The following KIAA0232 variants were observed in gnomAD, a reference collection of about 807,000 sequenced individuals.
KIAA0232 encodes the protein KIAA0232, also known as uncharacterized protein KIAA0232.
A neutral mutation model predicts 122.0 loss-of-function variants in KIAA0232; 27 were observed. The ratio of observed to expected loss-of-function variants is 0.22; its 90% CI spans 0.16 to 0.31. The LOEUF (loss-of-function observed/expected upper bound fraction) is 0.31, where lower values mean the gene tolerates loss of function less well. Among genes scored for constraint, KIAA0232 ranks in the 10% least tolerant of loss-of-function variants. The probability of loss-of-function intolerance (pLI) is 1.00; values close to 1 mark genes in which losing one functional copy is unlikely to be tolerated. For synonymous variants in KIAA0232, 613 were observed against 587.6 expected (o/e 1.04, Z -0.63); for missense variants, 1,551 against 1,634.2 (o/e 0.95, Z 0.88).
chr4:6,795,281 C>T (rs1399357107), intron 1 of KIAA0232, among the ~76,000 whole-genome samples: 1 of 152,122 alleles, frequency 6.6e-6, no homozygotes, highest in Admixed American at 6.6e-5. Flanking sequence ...ATCGTGCTAG[C>T]CAGGATGATC....
In KIAA0232 at chr4:6,871,610, A is replaced by C; in HGVS notation, c.3838A>C (p.Arg1280=). Residue 1280 remains arginine, a synonymous_variant, in exon 8 of 10, where the codon AGA becomes CGA. Coordinates refer to ENST00000307659, the MANE Select transcript of KIAA0232 (RefSeq NM_014743.3). ...GAACACTGATATACAAGGAATGAAT[A>C]GAAGTCAAGAAAAACAGACCTGGTG... The part of the protein sequence containing the change: ...VLNTDIQGMN[R]SQEKQTWWEK... 1.2e-6 allele frequency: 2 copies of C among 1,611,722 alleles called. No homozygotes were observed. The highest frequency in any genetic ancestry group is 2.7e-5 in the African/African-American group (2 of 75,006).
Position 6,813,069 on chromosome 4 carries a change from T to C in KIAA0232, c.-270+8463T>C, listed in dbSNP as rs539451971. Among the ~76,000 whole-genome samples the C allele has an allele frequency of 7.9e-4, 120 of 152,330 alleles. 1 individual carries two copies. Among genetic ancestry groups the C allele is most frequent in the African/African-American group, 2.8e-3 (116 of 41,584 alleles). On this transcript the variant is annotated intron_variant, in intron 2 of 9. Transcript: ENST00000307659. ...GTCTCTTATAGCTTATAAGAAATGC[T>C]ATTAGTGCACTCTAAATAATTAGGA...
At chr4:6,786,805 A>G (rs574506673) in intron 1 of KIAA0232, among the ~76,000 whole-genome samples, 2 of 152,332 alleles carry the variant, frequency 1.3e-5, no homozygotes, top group Admixed American at 6.5e-5. Context: ...GGGTCTAATG[A>G]AATAGATGAA....
chr4:6,821,912 T>C (rs73080511), intron 2 of KIAA0232, among the ~76,000 whole-genome samples: 2,318 of 152,202 alleles, frequency 0.015, 54 homozygotes, highest in African/African-American at 0.053. Flanking sequence ...TTAAAGTTTT[T>C]GCTCCATTAT....
chr4:6,823,106 A>G (rs1417813014), intron 2 of KIAA0232, among the ~76,000 whole-genome samples: 1 of 151,564 alleles, frequency 6.6e-6, no homozygotes, highest in African/African-American at 2.4e-5. Flanking sequence ...AAGGACATGA[A>G]CTCATCATTT....
chr4:6,846,070 C>T (rs1719947879), intron 4 of KIAA0232, among the ~76,000 whole-genome samples: 1 of 147,754 alleles, frequency 6.8e-6, no homozygotes, highest in African/African-American at 2.5e-5. Flanking sequence ...CATATTTGTA[C>T]TTGTATTGCT....
At chr4:6,816,463 T>G (rs1035535912) in intron 2 of KIAA0232, among the ~76,000 whole-genome samples, 4 of 152,112 alleles carry the variant, frequency 2.6e-5, no homozygotes, top group African/African-American at 9.7e-5. Flanking sequence ...TTTTGTATTT[T>G]AGTAGAGACA....
At chr4:6,845,556 A>G (rs1436387722) in intron 4 of KIAA0232, among the ~76,000 whole-genome samples, 1 of 152,028 alleles carries the variant, frequency 6.6e-6, no homozygotes, top group Non-Finnish European at 1.5e-5. Context: ...ATTGATAAGT[A>G]ATTTAGAGCT....
intron 1 of KIAA0232, among the ~76,000 whole-genome samples, chr4:6,797,372 C>G (rs1717175069): frequency 1.3e-5 from 2 of 152,152 alleles, no homozygotes; most frequent in South Asian, 4.1e-4. Flanking sequence ...CAAAATGCCT[C>G]CAGGCCTGTT....
At chr4:6,783,256 C>T (rs918395139) in intron 1 of KIAA0232, among the ~76,000 whole-genome samples, 26 of 152,314 alleles carry the variant, frequency 1.7e-4, no homozygotes, top group Non-Finnish European at 2.8e-4. Flanking sequence ...AGCTGTGGGC[C>T]CTGGGACCCC....
At chr4:6,792,704 T>G (rs532606327) in intron 1 of KIAA0232, among the ~76,000 whole-genome samples, 29 of 150,628 alleles carry the variant, frequency 1.9e-4, no homozygotes, top group Admixed American at 1.5e-3. Flanking sequence ...TGTTTTTTTT[T>G]TTTGAGACAG....
intron 2 of KIAA0232, among the ~76,000 whole-genome samples, chr4:6,818,809 T>A (rs1718270144): frequency 6.6e-6 from 1 of 151,884 alleles, no homozygotes; most frequent in Non-Finnish European, 1.5e-5. Context: ...TGGTTTCGTG[T>A]TACCTGACTT....
rs759500175 is a variant in KIAA0232 at position 6,857,278 on chromosome 4, A to T, written c.436+48A>T. 1.3e-4 allele frequency: 191 copies of T among 1,488,378 alleles called. No individual in the cohort carries two copies. The East Asian group carries it at 4.4e-3, about 34-fold the overall frequency. The allele number at this position is 1,488,378 out of a possible 1,614,324, so 92.2% of individuals were successfully genotyped here. On this transcript the variant is annotated intron_variant, in intron 5 of 9. Coordinates refer to ENST00000307659, the MANE Select transcript of KIAA0232 (RefSeq NM_014743.3). ...CACACATGCCAGGATTACATCCCTG[A>T]GGAATCTGGATTGGGGAAAATCTTA... is the stretch of plus-strand genomic sequence containing the variant.
intron 3 of KIAA0232, among the ~76,000 whole-genome samples, chr4:6,834,076 C>T (rs1719137059): frequency 6.6e-6 from 1 of 152,104 alleles, no homozygotes; most frequent in Admixed American, 6.5e-5. Flanking sequence ...CTGTGCCTGA[C>T]TCTCCATTTC....
chr4:6,795,454 T>C (rs1377910309), intron 1 of KIAA0232, among the ~76,000 whole-genome samples: 6 of 152,216 alleles, frequency 3.9e-5, no homozygotes, highest in Non-Finnish European at 2.9e-5. Context: ...CCAAAGACAG[T>C]GTGAAAAATT....
Position 6,862,356 on chromosome 4 carries a change from T to C in KIAA0232, c.1974T>C (p.Ser658=), listed in dbSNP as rs1162321211. The change falls in exon 7 of 10, where the codon TCT becomes TCC. Residue 658 remains serine, a synonymous_variant. Coordinates refer to ENST00000307659, the MANE Select transcript of KIAA0232 (RefSeq NM_014743.3). ...FSVFEVQCSN[S]VLPFSFETLN... ...TGTTTGAAGTGCAATGCAGTAATTC[T>C]GTTTTACCATTTTCTTTTGAAACAC... 2.5e-6 allele frequency: 4 copies of C among 1,614,204 alleles called. No individual in the cohort carries two copies. Among genetic ancestry groups the C allele is most frequent in the Non-Finnish European group, 3.4e-6 (4 of 1,180,038 alleles).
intron 2 of KIAA0232, among the ~76,000 whole-genome samples, chr4:6,823,984 G>A (rs1370190055): frequency 2.0e-5 from 3 of 152,086 alleles, no homozygotes; most frequent in African/African-American, 7.2e-5. Context: ...CAACTTGCTG[G>A]TACACAGGAA....
intron 2 of KIAA0232, among the ~76,000 whole-genome samples, chr4:6,823,389 C>G (rs1357057331): frequency 6.6e-6 from 1 of 152,034 alleles, no homozygotes; most frequent in African/African-American, 2.4e-5. Flanking sequence ...GTTTACAGTC[C>G]CACCAACAGT....
In KIAA0232 at chr4:6,861,434, G is replaced by A. The variant is rs759319043; in HGVS notation, c.1052G>A (p.Ser351Asn). 3.5e-5 allele frequency: 57 copies of A among 1,614,112 alleles called. No homozygotes were observed. The highest frequency in any genetic ancestry group is 4.6e-5 in the Non-Finnish European group (54 of 1,180,040). The change falls in exon 7 of 10, where the codon AGT becomes AAT. Residue 351 changes from serine to asparagine, a missense_variant. Ser to Asn is a conservative substitution (Grantham distance 46, BLOSUM62 1). Transcript: ENST00000307659. ...GAAAGGAACATTCATACTGGAAGTA[G>A]TAGCAGTAGCAGCAGTGGTTCTGTC... ...KAERNIHTGSSSSSSSGSVKQ... is the reference protein window; with the variant it reads ...KAERNIHTGSNSSSSSGSVKQ...
Sources: gnomAD v4.1 joint callset for allele counts (sites outside exome capture counted in the v4.1 genomes callset) on GRCh38, gnomAD v4.1.1 for gene constraint, MANE v1.5 for transcripts, NCBI Gene and HGNC (gene_info 2026-07-23, HGNC 2026-07-21) for gene names.